KDM3B: variants seen among roughly 807,000 people sequenced by gnomAD.
KDM3B encodes lysine demethylase 3B.
In KDM3B, 10 loss-of-function variants were observed where a neutral mutation model predicts 170.0. The observed-to-expected ratio is 0.06, with a 90% CI of 0.04 to 0.10. The LOEUF (loss-of-function observed/expected upper bound fraction) is 0.10. Among genes scored for constraint, KDM3B ranks in the 10% least tolerant of loss-of-function variants. The pLI is 1.00. For synonymous variants in KDM3B, 831 were observed against 834.8 expected (o/e 1.00, Z 0.08); for missense variants, 1,394 against 2,195.2 (o/e 0.64, Z 7.29).
chr5:138,415,376 TTTA>T (rs1048575485), intron 12 of KDM3B, 137 bp downstream of exon 12: 3 of 535,284 alleles, frequency 5.6e-6, no homozygotes, highest in South Asian at 2.9e-5. Context: ...AATTTGGATC[TTTA>T]TTATTATTAT....
chr5:138,405,380 G>C (rs1433697545), intron 11 of KDM3B, among the ~76,000 whole-genome samples: 1 of 152,174 alleles, frequency 6.6e-6, no homozygotes, highest in African/African-American at 2.4e-5. Context: ...GGTGACACAT[G>C]CCTGTGGTCG....
At chr5:138,416,293 G>C (rs936037369) in intron 12 of KDM3B, among the ~76,000 whole-genome samples, 1 of 151,508 alleles carries the variant, frequency 6.6e-6, no homozygotes, top group African/African-American at 2.4e-5. Context: ...CTCCACTTAA[G>C]AAAGCTTTGC....
At chr5:138,414,047 T>G (rs1166254805) in intron 11 of KDM3B, among the ~76,000 whole-genome samples, 1 of 152,192 alleles carries the variant, frequency 6.6e-6, no homozygotes, top group Non-Finnish European at 1.5e-5. Context: ...AAGGAATGAA[T>G]TACTAATACA....
chr5:138,352,945 C>G lies in KDM3B; in HGVS notation c.150C>G (p.Gly50=). 7.7e-7 allele frequency: 1 copy of G among 1,294,782 alleles called. No homozygotes were observed. Among genetic ancestry groups the G allele is most frequent in the Non-Finnish European group, 9.8e-7 (1 of 1,025,174 alleles). 80.2% of individuals were successfully genotyped at this position (1,294,782 alleles called of 1,614,324 possible). The change falls in exon 1 of 24, where the codon GGC becomes GGG. Residue 50 remains glycine (G), a synonymous_variant. Coordinates refer to ENST00000314358, the MANE Select transcript of KDM3B (RefSeq NM_016604.4). The part of the protein sequence containing the change: ...PALRTRAWRA[G]TVRAMSGAVP... ...TGCGCACTCGAGCCTGGCGGGCCGGCACGGTGCGGGCCATGAGCGGGGCGG... is the reference window on the plus strand; with the variant it reads ...TGCGCACTCGAGCCTGGCGGGCCGGGACGGTGCGGGCCATGAGCGGGGCGG...
At chr5:138,414,565 TAGAA>T (rs890055763) in intron 11 of KDM3B, among the ~76,000 whole-genome samples, 4 of 152,218 alleles carry the variant, frequency 2.6e-5, no homozygotes, top group Non-Finnish European at 5.9e-5. Context: ...GGAGATGTAA[TAGAA>T]AGGTTCTATG....
chr5:138,408,592 C>T (rs1188728024), intron 11 of KDM3B, among the ~76,000 whole-genome samples: 1 of 152,048 alleles, frequency 6.6e-6, no homozygotes, highest in African/African-American at 2.4e-5. Flanking sequence ...ATACTAATAT[C>T]AAAACCAAAT....
intron 22 of KDM3B, 149 bp downstream of exon 22, chr5:138,430,574 G>A (rs563269719): frequency 1.3e-6 from 1 of 789,408 alleles, no homozygotes; most frequent in African/African-American, 1.7e-5. Flanking sequence ...TTTCTTCCTT[G>A]TAACATTAAG....
intron 1 of KDM3B, among the ~76,000 whole-genome samples, chr5:138,358,435 T>C (rs970764874): frequency 1.3e-5 from 2 of 151,202 alleles, no homozygotes; most frequent in South Asian, 4.2e-4. Context: ...TCCCAGTAGC[T>C]GAGATTACAG....
chr5:138,431,583 C>G (rs200434413), intron 23 of KDM3B, 24 bp downstream of exon 23: 1 of 1,574,218 alleles, frequency 6.4e-7, no homozygotes, highest in South Asian at 1.2e-5. Context: ...CCCTCTACCC[C>G]ACTCTGTCTT....
In KDM3B at chr5:138,391,439, C is replaced by G. The variant is rs748784957; in HGVS notation, c.1807C>G (p.Pro603Ala). The G allele has an allele frequency of 6.2e-7, 1 of 1,614,068 alleles. No homozygotes were observed. The highest frequency in any genetic ancestry group is 1.3e-5 in the African/African-American group (1 of 75,040). ...VPAESMPTLTPAFPRSLLNAR... is the reference protein window; with the variant it reads ...VPAESMPTLTAAFPRSLLNAR... ...TGCAGAGTCCATGCCCACCCTCACT[C>G]CAGCCTTCCCACGGAGCCTCCTAAA... Residue 603 changes from proline to alanine, a missense_variant, in exon 8 of 24, where the codon CCA (proline) becomes GCA (alanine). This residue lies in a region of KDM3B where 294 missense variants were observed against 311.7 expected (regional missense o/e 0.94). Transcript: ENST00000314358. This position sits in a 1 kb window ranked among gnomAD's most constrained non-coding sequence, Gnocchi z 5.0.
At position 138,386,373 on chromosome 5, in the gene KDM3B, A is replaced by G. The variant is rs1762260360; in HGVS notation, c.1132A>G (p.Thr378Ala). Residue 378 changes from threonine (T) to alanine (A), a missense_variant, in exon 7 of 24, where the codon ACA becomes GCA. Thr to Ala is a moderately conservative substitution (Grantham distance 58, BLOSUM62 0). Transcript: ENST00000314358. ...GCAGGATGAGCCTGTAGGTGGGGAC[A>G]CACCTGCATCTTTCACTCCATATTC... is the stretch of plus-strand genomic sequence containing the variant. ...VVQDEPVGGD[T>A]PASFTPYSTA... 1 of 1,614,128 alleles carries G rather than the reference A, an allele frequency of 6.2e-7. No homozygotes were observed. The highest frequency in any genetic ancestry group is 1.3e-5 in the African/African-American group (1 of 74,946).
Position 138,435,753 on chromosome 5 carries a change from T to A in KDM3B, c.*53T>A. On this transcript the variant is annotated 3_prime_UTR_variant, in exon 24 of 24. Coordinates refer to ENST00000314358, the MANE Select transcript of KDM3B (RefSeq NM_016604.4). ...GAAGCAGGTCTTTCACTCACAACAC[T>A]TAACAGGGAACGGCAGGGCTCTTTG... is the stretch of plus-strand genomic sequence containing the variant. The A allele has an allele frequency of 7.2e-7, 1 of 1,393,026 alleles. No homozygotes were observed. The highest frequency in any genetic ancestry group is 1.0e-6 in the Non-Finnish European group (1 of 990,898). The allele number at this position is 1,393,026 out of a possible 1,614,324, so 86.3% of individuals were successfully genotyped here. A position where few individuals can be genotyped will look rare whatever the true frequency, so the allele number is the denominator to read the frequency against.
intron 23 of KDM3B, 89 bp from the exon 24 acceptor site, chr5:138,435,531 C>A: frequency 1.0e-6 from 1 of 1,000,178 alleles, no homozygotes. Flanking sequence ...TTGGGAGTTT[C>A]CCCACTAAAC....
chr5:138,431,625 A>T lies in KDM3B; in HGVS notation c.5205+66A>T, dbSNP rs1418299832. On this transcript the variant is annotated intron_variant, in intron 23 of 23. Transcript: ENST00000314358. ...GCATACTCACATACATTACGCAGAA[A>T]GCACATTCTCCTTTCTGAGGGTATT... The T allele has an allele frequency of 3.0e-6, 4 of 1,339,910 alleles. No individual in the cohort carries two copies. In the African/African-American group the frequency reaches 5.9e-5, roughly 20 times the overall value. The allele number at this position is 1,339,910 out of a possible 1,614,324, so 83.0% of individuals were successfully genotyped here.
At chr5:138,425,751 T>A in intron 17 of KDM3B, 169 bp downstream of exon 17, 1 of 587,024 alleles carries the variant, frequency 1.7e-6, no homozygotes, top group Non-Finnish European at 2.8e-6. Context: ...CTCGCTCCTG[T>A]AATTTCAGTC....
At chr5:138,381,460 T>C (rs1400828494) in intron 5 of KDM3B, 56 bp from the exon 6 acceptor site, 5 of 1,074,068 alleles carry the variant, frequency 4.7e-6, no homozygotes, top group South Asian at 1.3e-5. Context: ...TAGGAAATTA[T>C]ATAATTATGT....
At chr5:138,407,588 C>G (rs927217422) in intron 11 of KDM3B, among the ~76,000 whole-genome samples, 3 of 152,184 alleles carry the variant, frequency 2.0e-5, no homozygotes, top group Admixed American at 2.0e-4. Context: ...CTGCTTCATA[C>G]TGGGGACCTC....
chr5:138,415,462 ACTGT>A (rs1283151223), intron 12 of KDM3B, among the ~76,000 whole-genome samples: 6 of 151,964 alleles, frequency 3.9e-5, no homozygotes, highest in Middle Eastern at 6.8e-3. Context: ...TATTGAAGAG[ACTGT>A]CTGCTCTGTC....
intron 13 of KDM3B, among the ~76,000 whole-genome samples, chr5:138,418,523 T>C (rs1012201781): frequency 6.6e-6 from 1 of 152,198 alleles, no homozygotes; most frequent in African/African-American, 2.4e-5. Context: ...GAGTTGACTA[T>C]ATAGAGTATG....
Sources: allele counts gnomAD v4.1 joint callset (sites outside exome capture counted in the v4.1 genomes callset), GRCh38; gene constraint gnomAD v4.1.1; regional missense constraint gnomAD v4.1.1; non-coding constraint Gnocchi (gnomAD v3.1); transcripts MANE v1.5; gene names NCBI Gene and HGNC (gene_info 2026-07-23, HGNC 2026-07-21).